Variants in GRIK4 observed in about 807,000 individuals in gnomAD.
GRIK4 encodes glutamate ionotropic receptor kainate type subunit 4, also known as glutamate receptor ionotropic, kainate 4.
GRIK4 carries 40 observed loss-of-function variants against 104.9 expected under a neutral mutation model. The observed-to-expected ratio is 0.38, with a 90% CI of 0.30 to 0.50. The LOEUF (loss-of-function observed/expected upper bound fraction) is 0.50. Among genes scored for constraint, GRIK4 ranks in the 20% least tolerant of loss-of-function variants. The pLI, the probability that GRIK4 is intolerant of heterozygous loss-of-function variation, is 0.93. For missense variants in GRIK4, 1,047 were observed against 1,308.1 expected, an observed-to-expected ratio of 0.80 and a Z score of 3.08; for synonymous variants, 485 against 524.9, an observed-to-expected ratio of 0.92 and a Z score of 1.04.
chr11:120,578,971 C>G (rs917514868), intron 1 of GRIK4, among the ~76,000 whole-genome samples: 1 of 152,174 alleles, frequency 6.6e-6, no homozygotes, highest in Admixed American at 6.5e-5. Flanking sequence ...GGCGGGAGTT[C>G]CTGCAGGCAG....
intron 1 of GRIK4, chr11:120,575,810 A>G (rs937871182): frequency 6.6e-6 from 1 of 152,098 alleles, no homozygotes; most frequent in African/African-American, 2.4e-5. Flanking sequence ...CTTGAGGACG[A>G]TCCAAGGCCA....
At chr11:120,910,721 C>G (rs1942972043) in intron 13 of GRIK4, among the ~76,000 whole-genome samples, 1 of 152,132 alleles carries the variant, frequency 6.6e-6, no homozygotes, top group Admixed American at 6.5e-5. Flanking sequence ...AAAGATGTCT[C>G]TAGACTCAAG....
intron 3 of GRIK4, among the ~76,000 whole-genome samples, chr11:120,699,097 G>T (rs748617453): frequency 1.3e-5 from 2 of 152,156 alleles, no homozygotes; most frequent in African/African-American, 4.8e-5. Context: ...CATATTTCCC[G>T]TTGCCACTGG....
At chr11:120,964,716 T>C (rs1944353106) in intron 18 of GRIK4, among the ~76,000 whole-genome samples, 1 of 152,232 alleles carries the variant, frequency 6.6e-6, no homozygotes, top group Non-Finnish European at 1.5e-5. Flanking sequence ...GAAATTCATT[T>C]GCTCTATATC....
At chr11:120,566,678 A>G (rs1042569532) in intron 1 of GRIK4, among the ~76,000 whole-genome samples, 7 of 151,812 alleles carry the variant, frequency 4.6e-5, no homozygotes, top group African/African-American at 1.7e-4. Flanking sequence ...GACATATCAC[A>G]AGATTTTTTT....
chr11:120,839,764 A>T (rs886676937), intron 8 of GRIK4, among the ~76,000 whole-genome samples: 4 of 152,234 alleles, frequency 2.6e-5, no homozygotes, highest in Non-Finnish European at 5.9e-5. Flanking sequence ...CCTCACTCCC[A>T]TCCAGGCATA....
chr11:120,619,165 G>T (rs1949153338), intron 1 of GRIK4, among the ~76,000 whole-genome samples: 1 of 152,212 alleles, frequency 6.6e-6, no homozygotes, highest in Non-Finnish European at 1.5e-5. Context: ...TGCCCTGGAT[G>T]TGAGAAATGG....
At chr11:120,912,596 A>G (rs1216585075) in intron 13 of GRIK4, among the ~76,000 whole-genome samples, 1 of 152,184 alleles carries the variant, frequency 6.6e-6, no homozygotes, top group African/African-American at 2.4e-5. Context: ...GTCCAATGGC[A>G]GTGATTGAAT....
chr11:120,966,985 G>A (rs1032625105), intron 18 of GRIK4, among the ~76,000 whole-genome samples: 4 of 152,184 alleles, frequency 2.6e-5, no homozygotes, highest in Non-Finnish European at 5.9e-5. Context: ...AGAACACTGC[G>A]TGAAGCCAGA....
In GRIK4 at chr11:120,961,088, G is replaced by T. The variant is rs1944278421; in HGVS notation, c.2040+14G>T. On this transcript the variant is annotated intron_variant, in intron 17 of 20. Transcript: ENST00000527524. ...ACCTTCTTCCAAGTAAACCCCATTT[G>T]GTTGCTCACCAGCATCGGGAATTGG... 1.2e-6 allele frequency: 2 copies of T among 1,611,884 alleles called. No homozygotes were observed. Among genetic ancestry groups the T allele is most frequent in the East Asian group, 2.2e-5 (1 of 44,854 alleles).
At chr11:120,811,131 C>T (rs1177316592) in intron 4 of GRIK4, among the ~76,000 whole-genome samples, 1 of 152,044 alleles carries the variant, frequency 6.6e-6, no homozygotes. Context: ...TGGCATGCAG[C>T]GGGAGATGGC....
intron 3 of GRIK4, among the ~76,000 whole-genome samples, chr11:120,762,437 T>C (rs2135442670): frequency 6.6e-6 from 1 of 152,342 alleles, no homozygotes; most frequent in Non-Finnish European, 1.5e-5. Context: ...CTTTATTTCT[T>C]TCTCTTGCCT....
chr11:120,733,677 A>G (rs577989172), intron 3 of GRIK4, among the ~76,000 whole-genome samples: 18 of 150,590 alleles, frequency 1.2e-4, no homozygotes, highest in African/African-American at 4.4e-4. Flanking sequence ...ATATTGTACT[A>G]TGCCTTAAAA....
chr11:120,773,198 G>T (rs1348177237), intron 3 of GRIK4, among the ~76,000 whole-genome samples: 2 of 152,208 alleles, frequency 1.3e-5, no homozygotes, highest in South Asian at 2.1e-4. Flanking sequence ...AGCAGAGACA[G>T]CCTTTGTGTC....
At chr11:120,612,378 C>T (rs757314997) in intron 1 of GRIK4, among the ~76,000 whole-genome samples, 66 of 152,016 alleles carry the variant, frequency 4.3e-4, no homozygotes, top group Non-Finnish European at 7.9e-4. Context: ...TTCTACATTC[C>T]GTGAGAGCAA....
intron 3 of GRIK4, among the ~76,000 whole-genome samples, chr11:120,672,045 A>G (rs1950027013): frequency 6.6e-6 from 1 of 152,154 alleles, no homozygotes; most frequent in Admixed American, 6.5e-5. Context: ...GTATAGTTTG[A>G]AGTCACATAG....
At chr11:120,512,610 T>C (rs1947676810) in intron 1 of GRIK4, among the ~76,000 whole-genome samples, 1 of 142,210 alleles carries the variant, frequency 7.0e-6, no homozygotes, top group African/African-American at 2.5e-5. Flanking sequence ...GGAGAAACTC[T>C]AGAGACCTGC....
intron 4 of GRIK4, 66 bp downstream of exon 4, chr11:120,802,923 C>A: frequency 7.4e-7 from 1 of 1,357,442 alleles, no homozygotes; most frequent in Non-Finnish European, 1.0e-6. Context: ...GTGGTGTGAG[C>A]TGCACCTATC....
chr11:120,562,241 A>G (rs1482795109), intron 1 of GRIK4, among the ~76,000 whole-genome samples: 4 of 152,254 alleles, frequency 2.6e-5, no homozygotes, highest in African/African-American at 9.6e-5. Flanking sequence ...TGGAAGAGCT[A>G]AGAATCAAAC....
Sources: allele counts gnomAD v4.1 joint callset (sites outside exome capture counted in the v4.1 genomes callset), GRCh38; gene constraint gnomAD v4.1.1; transcripts MANE v1.5; gene names NCBI Gene and HGNC (gene_info 2026-07-23, HGNC 2026-07-21).